PCDH11X: variants seen among roughly 807,000 people sequenced by gnomAD.
PCDH11X encodes protocadherin-11 X-linked.
A neutral mutation model predicts 53.3 loss-of-function variants in PCDH11X; 18 were observed. The observed-to-expected ratio is 0.34, with a 90% CI of 0.23 to 0.50. The LOEUF is 0.50. Ranked by LOEUF, PCDH11X falls within the 20% of genes least tolerant of loss-of-function variation. PCDH11X has a pLI of 0.98. For synonymous variants in PCDH11X, 279 were observed against 393.3 expected, an observed-to-expected ratio of 0.71 and a Z score of 3.44; for missense variants, 570 against 1,032.4, an observed-to-expected ratio of 0.55 and a Z score of 6.14.
intron 6 of PCDH11X, among the ~76,000 whole-genome samples, chrX:92,094,175 GTA>G (rs1182356953): frequency 1.7e-4 from 15 of 89,343 alleles, no homozygotes; most frequent in Admixed American, 2.4e-4. Flanking sequence ...GTGTGTGTGT[GTA>G]TATATATATA....
chrX:92,541,954 T>A (rs1230383323), intron 10 of PCDH11X, among the ~76,000 whole-genome samples: 2 of 110,589 alleles, frequency 1.8e-5, no homozygotes, highest in African/African-American at 6.6e-5. Flanking sequence ...TTCTCAAAAA[T>A]AAAAATAAAA....
At chrX:92,333,734 A>T (rs1398859917) in intron 8 of PCDH11X, among the ~76,000 whole-genome samples, 2 of 110,656 alleles carry the variant, frequency 1.8e-5, no homozygotes, top group Non-Finnish European at 3.8e-5. Context: ...CCAATTTAGC[A>T]TATATAAATC....
At chrX:92,200,384 A>C (rs1478337905) in intron 6 of PCDH11X, among the ~76,000 whole-genome samples, 1 of 111,925 alleles carries the variant, frequency 8.9e-6, no homozygotes, top group African/African-American at 3.2e-5. Context: ...GAAAAACTGA[A>C]AGTAGATCTA....
At chrX:92,001,770 G>A (rs1188042937) in intron 6 of PCDH11X, among the ~76,000 whole-genome samples, 1 of 111,213 alleles carries the variant, frequency 9.0e-6, no homozygotes, top group Non-Finnish European at 1.9e-5. Flanking sequence ...GCCCAGCCCT[G>A]TTTGAGCTCT....
chrX:91,850,149 A>G (rs1342797342), intron 5 of PCDH11X, among the ~76,000 whole-genome samples: 3 of 111,211 alleles, frequency 2.7e-5, no homozygotes, highest in African/African-American at 9.8e-5. Context: ...AGAGTATCTT[A>G]CAAGGAGCAG....
At chrX:92,200,409 A>C (rs2066369017) in intron 6 of PCDH11X, among the ~76,000 whole-genome samples, 1 of 112,045 alleles carries the variant, frequency 8.9e-6, no homozygotes, top group Admixed American at 9.5e-5. Flanking sequence ...ATGATCCAGC[A>C]ATCCTACTGC....
chrX:92,160,890 C>T (rs967218953), intron 6 of PCDH11X, among the ~76,000 whole-genome samples: 58 of 110,769 alleles, frequency 5.2e-4, no homozygotes, highest in Non-Finnish European at 9.6e-4. Flanking sequence ...GGTCGTATCA[C>T]ATTGTGGTTT....
At chrX:92,461,860 T>C (rs2073053064) in intron 9 of PCDH11X, among the ~76,000 whole-genome samples, 1 of 111,338 alleles carries the variant, frequency 9.0e-6, no homozygotes, top group African/African-American at 3.3e-5. Flanking sequence ...AACAACTCAA[T>C]AGGAAAAAAG....
intron 8 of PCDH11X, among the ~76,000 whole-genome samples, chrX:92,353,604 C>T (rs1446458323): frequency 2.4e-4 from 27 of 110,399 alleles, no homozygotes; most frequent in Non-Finnish European, 3.6e-4. Context: ...TAATGCATGA[C>T]GTCTTTTAAT....
chrX:92,403,339 GTTTTTTTT>G (rs1191277649), intron 9 of PCDH11X, among the ~76,000 whole-genome samples: 2 of 49,363 alleles, frequency 4.1e-5, no homozygotes, highest in Non-Finnish European at 6.9e-5. Flanking sequence ...GTTTTTTTTT[GTTTTTTTT>G]TTTTTTTTTT....
intron 6 of PCDH11X, among the ~76,000 whole-genome samples, chrX:91,919,910 AT>A (rs1941691787): frequency 9.0e-6 from 1 of 111,712 alleles, no homozygotes; most frequent in Admixed American, 9.5e-5. Context: ...ACGTTCAGAT[AT>A]TTTTCAAATA....
chrX:92,377,177 T>A (rs1356564252), intron 8 of PCDH11X, among the ~76,000 whole-genome samples: 1 of 111,846 alleles, frequency 8.9e-6, no homozygotes, highest in Non-Finnish European at 1.9e-5. Flanking sequence ...ATCTTTTCAA[T>A]TTGTATATCT....
chrX:92,221,301 A>ACACACACACACG (rs1569428469), intron 7 of PCDH11X, among the ~76,000 whole-genome samples: 1 of 105,292 alleles, frequency 9.5e-6, no homozygotes, highest in Non-Finnish European at 2.0e-5. Flanking sequence ...ACACACACAC[A>ACACACACACACG]CACACACACA....
At chrX:92,110,683 A>T (rs953599209) in intron 6 of PCDH11X, among the ~76,000 whole-genome samples, 5 of 111,239 alleles carry the variant, frequency 4.5e-5, no homozygotes, top group Non-Finnish European at 9.4e-5. Context: ...TTGCATGGCC[A>T]TGGAGAAGTT....
At chrX:92,164,726 A>C (rs1345276754) in intron 6 of PCDH11X, among the ~76,000 whole-genome samples, 1 of 108,915 alleles carries the variant, frequency 9.2e-6, no homozygotes, top group Non-Finnish European at 1.9e-5. Context: ...GGCTGTGTCC[A>C]TACCCAAATC....
intron 6 of PCDH11X, among the ~76,000 whole-genome samples, chrX:91,970,744 A>G (rs1012279314): frequency 4.5e-5 from 5 of 111,993 alleles, no homozygotes; most frequent in African/African-American, 1.6e-4. Context: ...CGAAAACATC[A>G]GGTGCAATAA....
chrX:92,451,170 TA>T (rs769137374), intron 9 of PCDH11X, among the ~76,000 whole-genome samples: 6 of 110,788 alleles, frequency 5.4e-5, no homozygotes, highest in Admixed American at 4.8e-4. Context: ...AGTTTGCCCA[TA>T]CCTTCACAGT....
Position 92,371,202 on chromosome X carries a change from A to G in PCDH11X, c.3145-16533A>G, listed in dbSNP as rs777937430. ...TAATGTCTTATAATTAAGGTGTTTA[A>G]TCCATTTAAATTTTAAGCAATTGCT... On this transcript the variant is annotated intron_variant, in intron 8 of 10. Transcript: ENST00000682573. Among the ~76,000 whole-genome samples, 576 of 108,466 alleles carry G rather than the reference A, an allele frequency of 5.3e-3. 2 individuals carry two copies. The highest frequency in any genetic ancestry group is 9.7e-3 in the Non-Finnish European group (505 of 52,289). The allele number at this position is 108,466 out of a possible 115,157, so 94.2% of individuals were successfully genotyped here.
intron 6 of PCDH11X, among the ~76,000 whole-genome samples, chrX:92,001,649 G>A (rs2062512804): frequency 9.2e-6 from 1 of 108,401 alleles, no homozygotes; most frequent in African/African-American, 3.4e-5. Flanking sequence ...TGTGTTTTTA[G>A]TAGAGATGGG....
Sources: allele counts gnomAD v4.1 joint callset (sites outside exome capture counted in the v4.1 genomes callset), GRCh38; gene constraint gnomAD v4.1.1; transcripts MANE v1.5; gene names NCBI Gene and HGNC (gene_info 2026-07-23, HGNC 2026-07-21).